The following ZDHHC24 variants were observed in gnomAD, a reference collection of about 807,000 sequenced individuals.
ZDHHC24 encodes the protein probable palmitoyltransferase ZDHHC24.
A neutral mutation model predicts 23.2 loss-of-function variants in ZDHHC24; 17 were observed. That is an observed-to-expected ratio of 0.73 (90% CI 0.50 to 1.10). The LOEUF (loss-of-function observed/expected upper bound fraction) is 1.10, where lower values mean the gene tolerates loss of function less well. ZDHHC24 is among the 50% of genes least tolerant of loss of function. The pLI is 0.00. For synonymous variants in ZDHHC24, 186 were observed against 194.5 expected, an observed-to-expected ratio of 0.96 and a Z score of 0.36; for missense variants, 366 against 393.0, an observed-to-expected ratio of 0.93 and a Z score of 0.58.
chr11:66,526,564 G>T (rs1282814746), intron 4 of ZDHHC24: 3 of 1,569,424 alleles, frequency 1.9e-6, no homozygotes, highest in East Asian at 2.2e-5. Flanking sequence ...CAACTCTATA[G>T]GAGGCAGATT....
chr11:66,526,705 A>G (rs779357296), intron 4 of ZDHHC24: 1 of 1,614,214 alleles, frequency 6.2e-7, no homozygotes, highest in South Asian at 1.1e-5. Context: ...AGAGGGAGGA[A>G]GTGAGGTGGG....
At position 66,537,479 on chromosome 11, in the gene ZDHHC24, C is replaced by T. The variant is rs899543149; in HGVS notation, c.*2050G>A. On this transcript the variant is annotated 3_prime_UTR_variant, in exon 3 of 3. Coordinates refer to ENST00000310442, the MANE Select transcript of ZDHHC24 (RefSeq NM_207340.3). ...CAGGTAATTCCACTTGCCTTTTGGC[C>T]CCACCTTTTGGGAACACATAATTTC... The T allele has an allele frequency of 1.3e-5, 2 of 152,002 alleles. No individual in the cohort carries two copies. Among genetic ancestry groups the T allele is most frequent in the African/African-American group, 4.8e-5 (2 of 41,434 alleles). The allele number at this position is 152,002 out of a possible 1,614,324, so 9.4% of individuals were successfully genotyped here. A position where few individuals can be genotyped will look rare whatever the true frequency, so the allele number is the denominator to read the frequency against.
downstream of ZDHHC24, chr11:66,532,177 C>G: frequency 1.1e-6 from 1 of 889,634 alleles, no homozygotes; most frequent in Non-Finnish European, 1.7e-6. Flanking sequence ...GCTTCCTCAC[C>G]ACCCCCACTG....
Position 66,543,761 on chromosome 11 carries a change from G to C in ZDHHC24, c.502C>G (p.His168Asp). The C allele has an allele frequency of 6.2e-7, 1 of 1,608,078 alleles. No individual in the cohort carries two copies. Among genetic ancestry groups the C allele is most frequent in the Non-Finnish European group, 8.5e-7 (1 of 1,177,348 alleles). Reference protein sequence around the residue: ...GPALSALLRAHTPLHMAALLL... With the variant: ...GPALSALLRADTPLHMAALLL... Reference sequence around the variant, plus strand: ...AGGGCAGCCATGTGGAGGGGCGTGTGGGCTCGCAGCAGGGCCGACAGTGCA... The same window carrying C: ...AGGGCAGCCATGTGGAGGGGCGTGTCGGCTCGCAGCAGGGCCGACAGTGCA... Residue 168 changes from histidine to aspartate, a missense_variant, in exon 2 of 3, where the codon CAC becomes GAC. By Grantham distance (81) the His-to-Asp change is moderately conservative. Coordinates refer to ENST00000310442, the MANE Select transcript of ZDHHC24 (RefSeq NM_207340.3).
chr11:66,523,668 C>G (rs1856349638), intron 4 of ZDHHC24: 1 of 1,610,326 alleles, frequency 6.2e-7, no homozygotes, highest in African/African-American at 1.3e-5. Flanking sequence ...CCCCAGAAAC[C>G]GTTCTTTCCA....
rs371560256 is a variant in ZDHHC24 at position 66,544,009 on chromosome 11, C to A, written c.282-28G>T. On this transcript the variant is annotated intron_variant, in intron 1 of 2. Coordinates refer to ENST00000310442, the MANE Select transcript of ZDHHC24 (RefSeq NM_207340.3). ...GCAGGAAGGAACCACAGCGTCAGTT[C>A]CCCCAGCAGCTCAGATGCCCCATAT... 2.5e-6 allele frequency: 4 copies of A among 1,607,516 alleles called. No homozygotes were observed. The African/African-American group carries it at 5.3e-5, about 21-fold the overall frequency.
downstream of ZDHHC24, chr11:66,533,603 C>G (rs1015530096): frequency 6.6e-6 from 1 of 152,206 alleles, no homozygotes. Flanking sequence ...CTTGTACTTT[C>G]TTTTTAATGG....
chr11:66,543,925 C>T lies in ZDHHC24; in HGVS notation c.338G>A (p.Cys113Tyr). ...GTCCCGACGCAGGATGCAGACGCGGCAGGCAGAGCAGTGTCCGCTGCGTGG... is the reference window on the plus strand; with the variant it reads ...GTCCCGACGCAGGATGCAGACGCGGTAGGCAGAGCAGTGTCCGCTGCGTGG... ...VPPRSGHCSA[C>Y]RVCILRRDHH... The change falls in exon 2 of 3, where the codon TGC becomes TAC. Residue 113 changes from cysteine to tyrosine, a missense_variant. Coordinates refer to ENST00000310442, the MANE Select transcript of ZDHHC24 (RefSeq NM_207340.3). The T allele has an allele frequency of 6.2e-7, 1 of 1,613,976 alleles. No individual in the cohort carries two copies. Among genetic ancestry groups the T allele is most frequent in the Non-Finnish European group, 8.5e-7 (1 of 1,179,930 alleles).
At chr11:66,526,885 G>C in intron 4 of ZDHHC24, 1 of 1,612,220 alleles carries the variant, frequency 6.2e-7, no homozygotes, top group East Asian at 2.2e-5. Flanking sequence ...ATGCTGCCCA[G>C]CCTCCCTGTG....
intron 2 of ZDHHC24, among the ~76,000 whole-genome samples, chr11:66,530,141 C>T (rs113156012): frequency 0.015 from 2,217 of 152,270 alleles, 60 homozygotes; most frequent in African/African-American, 0.05. Context: ...CCTCACCTTC[C>T]CACCCTCCTG....
chr11:66,532,362 C>A, downstream of ZDHHC24: 1 of 361,682 alleles, frequency 2.8e-6, no homozygotes, highest in Admixed American at 3.9e-5. Context: ...CTGAGCAGGA[C>A]AGGCCCAGCC....
chr11:66,532,047 T>C, downstream of ZDHHC24: 1 of 1,594,040 alleles, frequency 6.3e-7, no homozygotes, highest in Non-Finnish European at 8.5e-7. Flanking sequence ...AGACCTGAGC[T>C]GCTGTGAAAG....
At chr11:66,530,841 C>T (rs1053933472), downstream of ZDHHC24, 8 of 1,612,878 alleles carry the variant, frequency 5.0e-6, no homozygotes, top group Middle Eastern at 1.6e-4. Context: ...CACTGTACTC[C>T]GTGCCCAAGG....
chr11:66,539,320 C>CCTGCCAGACCCTCCTCTGCACTCCT lies in ZDHHC24; in HGVS notation c.*184_*208dup. On this transcript the variant is annotated 3_prime_UTR_variant, in exon 3 of 3. Transcript: ENST00000310442. ...GGGCAGCTAGGCGGCCTGAGCAGCCCCTGCCAGACCCTCCTCTGCACTCCT... is the reference window on the plus strand; with the variant it reads ...GGGCAGCTAGGCGGCCTGAGCAGCCCCTGCCAGACCCTCCTCTGCACTCCTCTGCCAGACCCTCCTCTGCACTCCT... 7.8e-7 allele frequency: 1 copy of CCTGCCAGACCCTCCTCTGCACTCCT among 1,274,474 alleles called. No individual in the cohort carries two copies. The highest frequency in any genetic ancestry group is 9.9e-7 in the Non-Finnish European group (1 of 1,013,716). The allele number at this position is 1,274,474 out of a possible 1,614,324, so 78.9% of individuals were successfully genotyped here.
rs773588060 is a variant in ZDHHC24 at position 66,521,272 on chromosome 11, G to A, written c.*216C>T. The A allele has an allele frequency of 1.1e-5, 18 of 1,613,716 alleles. 1 individual carries two copies. The Admixed American group carries it at 2.8e-4, about 25-fold the overall frequency. On this transcript the variant is annotated 3_prime_UTR_variant, in exon 5 of 5. Coordinates refer to the ZDHHC24 transcript ENST00000526986. ...GTGTTTGCGCTTCTTGTTTGCAGAT[G>A]AGCCTTCCCAGCGTCCCCGTCTTCC... is the stretch of plus-strand genomic sequence containing the variant.
rs1057517143 is a variant in ZDHHC24 at position 66,523,496 on chromosome 11, C to T, written c.*22-2030G>A. 16 of 1,614,152 alleles carry T rather than the reference C, an allele frequency of 9.9e-6. No individual in the cohort carries two copies. Among genetic ancestry groups the T allele is most frequent in the Admixed American group, 1.7e-5 (1 of 60,020 alleles). On this transcript the variant is annotated intron_variant, in intron 4 of 4. Coordinates refer to the ZDHHC24 transcript ENST00000526986. Reference sequence around the variant, plus strand: ...CAAGTACTGCATCGAGCTGAGCGCCCAGCCTGTGGGACTTATCCGGGTACA... The same window carrying T: ...CAAGTACTGCATCGAGCTGAGCGCCTAGCCTGTGGGACTTATCCGGGTACA...
downstream of ZDHHC24, chr11:66,530,834 T>G (rs1421915861): frequency 6.2e-7 from 1 of 1,610,822 alleles, no homozygotes; most frequent in African/African-American, 1.3e-5. Context: ...CAGAGCACAC[T>G]GTACTCCGTG....
Position 66,523,573 on chromosome 11 carries a change from C to T in ZDHHC24, c.*22-2107G>A, listed in dbSNP as rs777721856. The T allele has an allele frequency of 1.5e-5, 24 of 1,614,040 alleles. No homozygotes were observed. Among genetic ancestry groups the T allele is most frequent in the Non-Finnish European group, 1.8e-5 (21 of 1,180,032 alleles). On this transcript the variant is annotated intron_variant, in intron 4 of 4. Transcript: ENST00000526986. ...AAGACAGCCTGCATGGCTTCACCCACAAGGTGCAGCCCCCAGCAAGCAGCA... is the reference window on the plus strand; with the variant it reads ...AAGACAGCCTGCATGGCTTCACCCATAAGGTGCAGCCCCCAGCAAGCAGCA...
Position 66,545,851 on chromosome 11 carries a change from C to T in ZDHHC24, c.153G>A (p.Arg51=). ...PGPPPLGPLA[R]ALQLALAAFQ... ...AGGCGGCCAGCGCCAGCTGCAAGGC[C>T]CGGGCCAGGGGTCCCAGCGGCGGCG... Residue 51 remains arginine, a synonymous_variant, in exon 1 of 3, where the codon CGG becomes CGA. Transcript: ENST00000310442. This position sits in a 1 kb window ranked among gnomAD's most constrained non-coding sequence, Gnocchi z 4.5. 6.4e-7 allele frequency: 1 copy of T among 1,556,476 alleles called. No homozygotes were observed. The highest frequency in any genetic ancestry group is 8.6e-7 in the Non-Finnish European group (1 of 1,156,976).
Sources: gnomAD v4.1 joint callset for allele counts (sites outside exome capture counted in the v4.1 genomes callset) on GRCh38, gnomAD v4.1.1 for gene constraint, Gnocchi (gnomAD v3.1) non-coding constraint, MANE v1.5 for transcripts, NCBI Gene and HGNC (gene_info 2026-07-23, HGNC 2026-07-21) for gene names.